Variants in NAXD observed in about 807,000 individuals in gnomAD.
NAXD encodes the protein ATP-dependent (S)-NAD(P)H-hydrate dehydratase.
A neutral mutation model predicts 35.8 loss-of-function variants in NAXD; 22 were observed. The ratio of observed to expected loss-of-function variants is 0.62; its 90% CI spans 0.44 to 0.88. NAXD has a LOEUF of 0.88. NAXD is among the 40% of genes least tolerant of loss of function. NAXD has a pLI of 0.00. For synonymous variants in NAXD, 189 were observed against 177.6 expected (o/e 1.06, Z -0.51); for missense variants, 428 against 437.7 (o/e 0.98, Z 0.20).
Position 110,624,502 on chromosome 13 carries a change from A to G in NAXD, c.243+223A>G, listed in dbSNP as rs530238201. ...AGACAGAGTTTCGCTCTTTTTGCCC[A>G]GGCTGGAGTGCAATGGCGGGATCTC... On this transcript the variant is annotated intron_variant, in intron 3 of 9. Transcript: ENST00000680254. 1.2e-3 allele frequency among the ~76,000 whole-genome samples: 184 copies of G among 152,304 alleles called. 1 individual carries two copies. The highest frequency in any genetic ancestry group is 3.8e-3 in the African/African-American group (159 of 41,578).
Position 110,615,596 on chromosome 13 carries a change from T to A in NAXD, c.-6T>A. On this transcript the variant is annotated 5_prime_UTR_variant, in exon 1 of 10. Transcript: ENST00000680254. ...GGGGGCAGCTGGGAATCCGGAATGC[T>A]GCCCGATGGCCCTGGGTCCTCGCTG... 8 of 1,389,646 alleles carry A rather than the reference T, an allele frequency of 5.8e-6. No individual in the cohort carries two copies. Among genetic ancestry groups the A allele is most frequent in the Middle Eastern group, 1.8e-4 (1 of 5,434 alleles). 86.1% of individuals were successfully genotyped at this position (1,389,646 alleles called of 1,614,324 possible).
intron 5 of NAXD, among the ~76,000 whole-genome samples, chr13:110,631,830 G>A (rs1261980971): frequency 6.6e-6 from 1 of 152,200 alleles, no homozygotes; most frequent in Non-Finnish European, 1.5e-5. Flanking sequence ...CACTGCTAAT[G>A]CTCGGACCAG....
chr13:110,617,555 C>T (rs330547), intron 1 of NAXD, among the ~76,000 whole-genome samples: 35,927 of 152,096 alleles, frequency 0.24, 5,520 homozygotes, highest in African/African-American at 0.44. Context: ...CTGCTTTGGC[C>T]CTTTTGCTAA....
chr13:110,625,748 C>G (rs559833206), intron 4 of NAXD, among the ~76,000 whole-genome samples: 1 of 152,368 alleles, frequency 6.6e-6, no homozygotes, highest in Admixed American at 6.5e-5. Flanking sequence ...GAGGTGTTCT[C>G]TCTGCCGTCC....
chr13:110,638,405 T>G lies in NAXD; in HGVS notation c.867T>G (p.Phe289Leu). 1 of 1,613,690 alleles carries G rather than the reference T, an allele frequency of 6.2e-7. No individual in the cohort carries two copies. The highest frequency in any genetic ancestry group is 8.5e-7 in the Non-Finnish European group (1 of 1,180,012). ...NGSSPLLVAA[F>L]GACSLTRQCN... ...CCAGCCCTCTCCTGGTGGCCGCGTTTGGCGCCTGCTCTCTCACCAGGCAGT... is the reference window on the plus strand; with the variant it reads ...CCAGCCCTCTCCTGGTGGCCGCGTTGGGCGCCTGCTCTCTCACCAGGCAGT... Residue 289 changes from phenylalanine (F) to leucine (L), a missense_variant, in exon 10 of 10, where the codon TTT becomes TTG. By Grantham distance (22) the Phe-to-Leu change is conservative. This residue lies in a region of NAXD where 209 missense variants were observed against 214.6 expected (regional missense o/e 0.97). Coordinates refer to ENST00000680254, the MANE Select transcript of NAXD (RefSeq NM_001242882.2). The surrounding 1 kb of genome is among the most constrained non-coding windows in gnomAD (Gnocchi z 5.4).
chr13:110,637,746 CTG>C, intron 9 of NAXD: 1 of 461,222 alleles, frequency 2.2e-6, no homozygotes. Flanking sequence ...CATTTCTCTT[CTG>C]TGAGCCCATC....
At position 110,637,219 on chromosome 13, in the gene NAXD, C is replaced by A; in HGVS notation, c.809C>A (p.Ala270Glu). The change falls in exon 9 of 10, where the codon GCG (alanine) becomes GAG (glutamate). Residue 270 changes from alanine to glutamate, a missense_variant. By Grantham distance (107) the Ala-to-Glu change is moderately radical. This residue lies in a region of NAXD where 209 missense variants were observed against 214.6 expected (regional missense o/e 0.97). Coordinates refer to ENST00000680254, the MANE Select transcript of NAXD (RefSeq NM_001242882.2). The part of the protein sequence containing the change: ...SGSLGVLVHW[A>E]LLAGPQKTNG... ...TCCCTGGGCGTCCTGGTACACTGGG[C>A]GCTCCTTGCTGGACCACAGAAAACA... is the stretch of plus-strand genomic sequence containing the variant. 6.2e-7 allele frequency: 1 copy of A among 1,614,036 alleles called. No individual in the cohort carries two copies. The highest frequency in any genetic ancestry group is 8.5e-7 in the Non-Finnish European group (1 of 1,179,948).
Position 110,628,797 on chromosome 13 carries a change from C to T in NAXD, c.441+1250C>T, listed in dbSNP as rs1037444458. Among the ~76,000 whole-genome samples, 9 of 152,242 alleles carry T rather than the reference C, an allele frequency of 5.9e-5. No individual in the cohort carries two copies. The highest frequency in any genetic ancestry group is 2.2e-4 in the African/African-American group (9 of 41,540). The stretch of plus-strand genomic sequence containing the variant: ...CTGCAGGCTGCGGGTCTGCGGTGCA[C>T]GGCTGCTGCTTCCTGTCCAGCTCTG... On this transcript the variant is annotated intron_variant, in intron 5 of 9. Coordinates refer to ENST00000680254, the MANE Select transcript of NAXD (RefSeq NM_001242882.2). The surrounding 1 kb of genome is among the most constrained non-coding windows in gnomAD (Gnocchi z 4.1).
intron 1 of NAXD, 34 bp from the exon 2 acceptor site, chr13:110,622,181 AC>A: frequency 6.3e-7 from 1 of 1,579,094 alleles, no homozygotes; most frequent in Non-Finnish European, 8.6e-7. Context: ...ATATCTGTTT[AC>A]CTTTCTGAAT....
At chr13:110,635,898 T>C (rs1474557616) in intron 8 of NAXD, among the ~76,000 whole-genome samples, 1 of 152,278 alleles carries the variant, frequency 6.6e-6, no homozygotes, top group Non-Finnish European at 1.5e-5. Flanking sequence ...CAGGGCACAG[T>C]GCAGGGTCCC....
chr13:110,633,362 A>T (rs904310210), intron 5 of NAXD, among the ~76,000 whole-genome samples: 1 of 152,098 alleles, frequency 6.6e-6, no homozygotes, highest in African/African-American at 2.4e-5. Context: ...CCGGAACTCC[A>T]GCTGGCCCGC....
chr13:110,638,871 G>A lies in NAXD; in HGVS notation c.*343G>A, dbSNP rs11551103. 1.2e-5 allele frequency: 5 copies of A among 415,466 alleles called. No individual in the cohort carries two copies. The highest frequency in any genetic ancestry group is 2.0e-5 in the African/African-American group (1 of 48,850). 25.7% of individuals were successfully genotyped at this position (415,466 alleles called of 1,614,324 possible). Reference sequence around the variant, plus strand: ...TTTCTCGGCCTGCTCCCAGATCGGCGAAGTTTCTACTTGTTACTCTCTCTG... The same window carrying A: ...TTTCTCGGCCTGCTCCCAGATCGGCAAAGTTTCTACTTGTTACTCTCTCTG... On this transcript the variant is annotated 3_prime_UTR_variant, in exon 10 of 10. Coordinates refer to ENST00000680254, the MANE Select transcript of NAXD (RefSeq NM_001242882.2). The surrounding 1 kb of genome is among the most constrained non-coding windows in gnomAD (Gnocchi z 5.4).
intron 5 of NAXD, among the ~76,000 whole-genome samples, chr13:110,632,198 C>T (rs564506318): frequency 6.1e-5 from 9 of 148,660 alleles, no homozygotes; most frequent in Non-Finnish European, 8.9e-5. Context: ...CAGACCTTCG[C>T]GGTGAGTGTT....
chr13:110,638,402 G>A lies in NAXD; in HGVS notation c.864G>A (p.Ala288=), dbSNP rs371227030. The change falls in exon 10 of 10, where the codon GCG becomes GCA. Residue 288 remains alanine, a synonymous_variant. Coordinates refer to ENST00000680254, the MANE Select transcript of NAXD (RefSeq NM_001242882.2). This position sits in a 1 kb window ranked among gnomAD's most constrained non-coding sequence, Gnocchi z 5.4. ...GGTCCAGCCCTCTCCTGGTGGCCGC[G>A]TTTGGCGCCTGCTCTCTCACCAGGC... ...TNGSSPLLVA[A]FGACSLTRQC... The A allele has an allele frequency of 2.8e-5, 45 of 1,613,704 alleles. No homozygotes were observed. The highest frequency in any genetic ancestry group is 2.5e-4 in the South Asian group (23 of 91,076).
intron 2 of NAXD, among the ~76,000 whole-genome samples, chr13:110,623,957 G>A (rs1222744713): frequency 6.0e-5 from 9 of 150,394 alleles, no homozygotes; most frequent in Non-Finnish European, 1.2e-4. Flanking sequence ...AGCCAAGATC[G>A]TGCCATTGCA....
In NAXD at chr13:110,637,262, C is replaced by T; in HGVS notation, c.839+13C>T. Reference sequence around the variant, plus strand: ...AGAAAACAAATGGGTAAGGCCACGTCTTCATTTATTCTACTTTGAAACCGT... The same window carrying T: ...AGAAAACAAATGGGTAAGGCCACGTTTTCATTTATTCTACTTTGAAACCGT... On this transcript the variant is annotated intron_variant, in intron 9 of 9. Transcript: ENST00000680254. The T allele has an allele frequency of 6.2e-7, 1 of 1,613,790 alleles. No homozygotes were observed. Among genetic ancestry groups the T allele is most frequent in the Non-Finnish European group, 8.5e-7 (1 of 1,179,900 alleles).
chr13:110,638,716 T>A lies in NAXD; in HGVS notation c.*188T>A, dbSNP rs758427538. 7 of 732,840 alleles carry A rather than the reference T, an allele frequency of 9.6e-6. No individual in the cohort carries two copies. Among genetic ancestry groups the A allele is most frequent in the Middle Eastern group, 2.2e-4 (1 of 4,474 alleles). 45.4% of individuals were successfully genotyped at this position (732,840 alleles called of 1,614,324 possible). A position where few individuals can be genotyped will look rare whatever the true frequency, so the allele number is the denominator to read the frequency against. ...GCAGCTTTTGGTTAAACTTAATGCA[T>A]GGTTGGAGATGTTATGGCGACACTA... On this transcript the variant is annotated 3_prime_UTR_variant, in exon 10 of 10. Coordinates refer to ENST00000680254, the MANE Select transcript of NAXD (RefSeq NM_001242882.2). The surrounding 1 kb of genome is among the most constrained non-coding windows in gnomAD (Gnocchi z 5.4).
intron 1 of NAXD, among the ~76,000 whole-genome samples, chr13:110,619,890 C>G (rs1886195000): frequency 6.6e-6 from 1 of 152,172 alleles, no homozygotes; most frequent in South Asian, 2.1e-4. Context: ...CCTCCACCTT[C>G]TGGGTTCAAA....
chr13:110,632,336 C>T (rs907183221), intron 5 of NAXD, among the ~76,000 whole-genome samples: 1 of 152,150 alleles, frequency 6.6e-6, no homozygotes, highest in Non-Finnish European at 1.5e-5. Flanking sequence ...AGTGTGGACC[C>T]AAAGAGTGAG....
Sources: gnomAD v4.1 joint callset for allele counts (sites outside exome capture counted in the v4.1 genomes callset) on GRCh38, gnomAD v4.1.1 for gene constraint, gnomAD v4.1.1 regional missense constraint, Gnocchi (gnomAD v3.1) non-coding constraint, MANE v1.5 for transcripts, NCBI Gene and HGNC (gene_info 2026-07-23, HGNC 2026-07-21) for gene names.